The following NCKAP5 variants were observed in gnomAD, a reference collection of about 807,000 sequenced individuals.
The protein encoded by NCKAP5 is NCK associated protein 5, also known as nck-associated protein 5.
A neutral mutation model predicts 167.0 loss-of-function variants in NCKAP5; 92 were observed. That is an observed-to-expected ratio of 0.55 (90% CI 0.47 to 0.66). The LOEUF (loss-of-function observed/expected upper bound fraction) is 0.66, where lower values mean the gene tolerates loss of function less well. Among genes scored for constraint, NCKAP5 ranks in the 30% least tolerant of loss-of-function variants. The probability of loss-of-function intolerance (pLI) is 0.00; values close to 1 mark genes in which losing one functional copy is unlikely to be tolerated. For synonymous variants in NCKAP5, 891 were observed against 877.4 expected (o/e 1.02, Z -0.27); for missense variants, 2,378 against 2,315.0 (o/e 1.03, Z -0.56).
At chr2:133,184,270 T>A (rs2084852229) in intron 5 of NCKAP5, among the ~76,000 whole-genome samples, 1 of 152,182 alleles carries the variant, frequency 6.6e-6, no homozygotes, top group Non-Finnish European at 1.5e-5. Flanking sequence ...TCCAGCTCCA[T>A]CCATGTTGCT....
the NCKAP5 span, among the ~76,000 whole-genome samples, chr2:133,642,566 A>G: frequency 6.6e-6 from 1 of 152,164 alleles, no homozygotes; most frequent in Non-Finnish European, 1.5e-5. Flanking sequence ...GGGGCTAGGG[A>G]GTTGAAATAT....
intron 6 of NCKAP5, among the ~76,000 whole-genome samples, chr2:133,074,653 T>C (rs1207727953): frequency 1.3e-5 from 2 of 152,164 alleles, no homozygotes; most frequent in East Asian, 1.9e-4. Flanking sequence ...TGAGCCACCA[T>C]GCCTGACCCA....
the NCKAP5 span, among the ~76,000 whole-genome samples, chr2:133,590,377 C>T: frequency 6.6e-6 from 1 of 151,256 alleles, no homozygotes. Context: ...ATACAAAAAA[C>T]TAGCCAGGCT....
At chr2:133,231,583 T>C (rs962117133) in intron 4 of NCKAP5, among the ~76,000 whole-genome samples, 1 of 152,280 alleles carries the variant, frequency 6.6e-6, no homozygotes, top group Non-Finnish European at 1.5e-5. Context: ...TGGTACTTAC[T>C]TGCTGTATAA....
intron 4 of NCKAP5, chr2:133,284,569 G>A (rs2090040961): frequency 6.6e-6 from 1 of 152,174 alleles, no homozygotes; most frequent in African/African-American, 2.4e-5. Flanking sequence ...TCCAAAGGCT[G>A]TGTTTTGGAA....
chr2:132,866,350 C>A (rs547642581), intron 10 of NCKAP5, among the ~76,000 whole-genome samples: 1 of 152,230 alleles, frequency 6.6e-6, no homozygotes, highest in African/African-American at 2.4e-5. Context: ...ATGAATTTAA[C>A]CTGAATTACT....
rs182902599 is a variant in NCKAP5, at chr2:132,870,694, G to A, written c.649-1720C>T. Among the ~76,000 whole-genome samples, 3 of 150,626 alleles carry A rather than the reference G, an allele frequency of 2.0e-5. No individual in the cohort carries two copies. In the East Asian group the frequency reaches 5.8e-4, roughly 29 times the overall value. ...TGGTAACATATTTGTTTTTGGTGGTGCCCAACTATTTGTGCTTCTTTCTCT... is the reference window on the plus strand; with the variant it reads ...TGGTAACATATTTGTTTTTGGTGGTACCCAACTATTTGTGCTTCTTTCTCT... On this transcript the variant is annotated intron_variant, in intron 9 of 19. Transcript: ENST00000409261.
intron 5 of NCKAP5, among the ~76,000 whole-genome samples, chr2:133,205,767 A>C (rs974145395): frequency 3.3e-5 from 5 of 152,024 alleles, no homozygotes; most frequent in South Asian, 4.1e-4. Context: ...ATATATATAT[A>C]TCTCTTTTTA....
rs578220982 is a variant in NCKAP5 at position 132,954,290 on chromosome 2, G to A, written c.579+9430C>T. ...CCCTCTCAATATTGTATCCTATACT[G>A]AGTGACAATGGTGGCCCCTTGGAGC... is the stretch of plus-strand genomic sequence containing the variant. On this transcript the variant is annotated intron_variant, in intron 8 of 19. Transcript: ENST00000409261. Among the ~76,000 whole-genome samples, 159 of 152,268 alleles carry A rather than the reference G, an allele frequency of 1.0e-3. 4 individuals carry two copies. In the South Asian group the frequency reaches 0.031, roughly 30 times the overall value.
At chr2:132,974,666 A>T (rs2076926806) in intron 7 of NCKAP5, among the ~76,000 whole-genome samples, 1 of 152,232 alleles carries the variant, frequency 6.6e-6, no homozygotes. Context: ...CCCTAACGGT[A>T]GTAATTCTAT....
chr2:132,975,931 C>CCGT (rs1157679420), intron 7 of NCKAP5, among the ~76,000 whole-genome samples: 8 of 152,106 alleles, frequency 5.3e-5, no homozygotes, highest in African/African-American at 1.9e-4. Context: ...ACTGACAACC[C>CCGT]CGTCACTGAG....
intron 16 of NCKAP5, among the ~76,000 whole-genome samples, chr2:132,770,884 A>G (rs939375578): frequency 1.3e-5 from 2 of 152,198 alleles, no homozygotes; most frequent in African/African-American, 4.8e-5. Flanking sequence ...AACCATTGTA[A>G]TGTCATAGTG....
At chr2:132,813,750 G>A (rs1395173477) in intron 11 of NCKAP5, among the ~76,000 whole-genome samples, 1 of 152,044 alleles carries the variant, frequency 6.6e-6, no homozygotes, top group African/African-American at 2.4e-5. Context: ...TCCAAAGAAG[G>A]GAAAATGCAA....
At chr2:133,152,942 T>C (rs2083435293) in intron 5 of NCKAP5, among the ~76,000 whole-genome samples, 1 of 152,104 alleles carries the variant, frequency 6.6e-6, no homozygotes, top group South Asian at 2.1e-4. Context: ...TATAGTGGAG[T>C]AGGCTGTAGC....
intron 16 of NCKAP5, among the ~76,000 whole-genome samples, chr2:132,755,531 T>C (rs1680463507): frequency 6.6e-6 from 1 of 152,066 alleles, no homozygotes; most frequent in South Asian, 2.1e-4. Flanking sequence ...CAGACAACCC[T>C]TTTTAATAAT....
chr2:133,072,492 G>C (rs547506329), intron 6 of NCKAP5, among the ~76,000 whole-genome samples: 2 of 152,150 alleles, frequency 1.3e-5, no homozygotes, highest in Admixed American at 6.5e-5. Flanking sequence ...CAATTTAAGA[G>C]CACCCACCCC....
chr2:133,446,336 GA>G (rs1295842374), intron 3 of NCKAP5, among the ~76,000 whole-genome samples: 7 of 152,202 alleles, frequency 4.6e-5, no homozygotes, highest in Admixed American at 1.3e-4. Flanking sequence ...CTGGAGCCCA[GA>G]AGTGTCTAAA....
chr2:132,977,334 A>G (rs568512934), intron 7 of NCKAP5, among the ~76,000 whole-genome samples: 24 of 152,360 alleles, frequency 1.6e-4, no homozygotes, highest in Admixed American at 1.3e-3. Context: ...CCATAGACAT[A>G]AAGCAAAAAA....
chr2:133,202,635 C>A (rs952203206), intron 5 of NCKAP5, among the ~76,000 whole-genome samples: 1 of 151,982 alleles, frequency 6.6e-6, no homozygotes, highest in African/African-American at 2.4e-5. Flanking sequence ...TGCAATCTAC[C>A]CATCTGACAA....
Sources: allele counts gnomAD v4.1 joint callset (sites outside exome capture counted in the v4.1 genomes callset), GRCh38; gene constraint gnomAD v4.1.1; transcripts MANE v1.5; gene names NCBI Gene and HGNC (gene_info 2026-07-23, HGNC 2026-07-21).